The following PLXNA2 variants were observed in gnomAD, a reference collection of about 807,000 sequenced individuals.
The protein encoded by PLXNA2 is plexin-A2.
Under a neutral mutation model 193.5 loss-of-function variants are expected in PLXNA2, and 91 were observed. The observed-to-expected ratio is 0.47, with a 90% CI of 0.40 to 0.56. The LOEUF (loss-of-function observed/expected upper bound fraction) is 0.56, where lower values mean the gene tolerates loss of function less well. PLXNA2 is among the 20% of genes least tolerant of loss of function. The pLI is 0.00. For missense variants in PLXNA2, 1,995 were observed against 2,503.2 expected (o/e 0.80, Z 4.33); for synonymous variants, 997 against 1,027.3 (o/e 0.97, Z 0.56).
chr1:208,186,722 T>C (rs906360958), intron 3 of PLXNA2, among the ~76,000 whole-genome samples: 2 of 143,804 alleles, frequency 1.4e-5, no homozygotes, highest in Non-Finnish European at 3.0e-5. Flanking sequence ...TATTTTTTTT[T>C]TTTTTTTTGA....
intron 3 of PLXNA2, among the ~76,000 whole-genome samples, chr1:208,193,560 G>T (rs1401524519): frequency 6.6e-6 from 1 of 152,112 alleles, no homozygotes; most frequent in African/African-American, 2.4e-5. Flanking sequence ...ATTTATGAAA[G>T]CTCTTTATAT....
chr1:208,042,428 G>T lies in PLXNA2; in HGVS notation c.4018-62C>A, dbSNP rs79670301. ...GACAGGCATCGGGCCTCCTACCTGA[G>T]GGTCTCACTGAGGGCCTGCTGGCGA... On this transcript the variant is annotated intron_variant, in intron 21 of 31. Transcript: ENST00000367033. 11,169 of 1,563,228 alleles carry T rather than the reference G, an allele frequency of 7.1e-3. 280 individuals are homozygous for T. Among genetic ancestry groups the T allele is most frequent in the Admixed American group, 0.057 (3,248 of 57,206 alleles).
chr1:208,106,975 G>C (rs1010295843), intron 4 of PLXNA2, among the ~76,000 whole-genome samples: 2 of 152,206 alleles, frequency 1.3e-5, no homozygotes, highest in African/African-American at 4.8e-5. Context: ...GGCAAGGGAG[G>C]GATGGTGCAA....
At chr1:208,063,626 T>C (rs1229029755) in intron 12 of PLXNA2, among the ~76,000 whole-genome samples, 1 of 151,800 alleles carries the variant, frequency 6.6e-6, no homozygotes, top group African/African-American at 2.4e-5. Context: ...GTAGGGTCTT[T>C]ATGGGGGTCT....
At chr1:208,227,504 CCTT>C (rs1203245636) in intron 1 of PLXNA2, among the ~76,000 whole-genome samples, 7 of 152,198 alleles carry the variant, frequency 4.6e-5, no homozygotes, top group Admixed American at 2.0e-4. Flanking sequence ...TTCAGCCAAA[CCTT>C]CTTATCACTG....
chr1:208,048,108 C>T (rs1298587299), intron 17 of PLXNA2, among the ~76,000 whole-genome samples: 2 of 152,196 alleles, frequency 1.3e-5, no homozygotes, highest in African/African-American at 4.8e-5. Context: ...CCCAGTCTAG[C>T]TTCCCTAGAC....
At chr1:208,141,880 C>G (rs974373564) in intron 4 of PLXNA2, among the ~76,000 whole-genome samples, 6 of 152,256 alleles carry the variant, frequency 3.9e-5, no homozygotes, top group Non-Finnish European at 8.8e-5. Flanking sequence ...ATACTCTGCA[C>G]CAGTCTAAGA....
At chr1:208,197,452 A>G (rs773510288) in intron 3 of PLXNA2, among the ~76,000 whole-genome samples, 4 of 152,242 alleles carry the variant, frequency 2.6e-5, no homozygotes, top group Admixed American at 6.5e-5. Flanking sequence ...ATATGCTGCA[A>G]ATTTACCTGG....
At chr1:208,224,151 C>T (rs111933158) in intron 1 of PLXNA2, among the ~76,000 whole-genome samples, 131 of 152,220 alleles carry the variant, frequency 8.6e-4, no homozygotes, top group African/African-American at 2.8e-3. Flanking sequence ...AGAGGGCGAA[C>T]GCAAAAGCCC....
intron 13 of PLXNA2, among the ~76,000 whole-genome samples, chr1:208,057,118 T>C (rs1329689330): frequency 2.0e-5 from 3 of 152,230 alleles, no homozygotes; most frequent in Non-Finnish European, 4.4e-5. Context: ...AAGCAAATTC[T>C]AGCCCTTAAT....
At chr1:208,068,986 A>G (rs1665888628) in intron 12 of PLXNA2, among the ~76,000 whole-genome samples, 1 of 152,214 alleles carries the variant, frequency 6.6e-6, no homozygotes, top group Non-Finnish European at 1.5e-5. Flanking sequence ...CAGAAGGAAA[A>G]CAAGGGAAAC....
chr1:208,216,520 T>TGTGATGTG (rs1195295917), intron 2 of PLXNA2, among the ~76,000 whole-genome samples: 16 of 152,330 alleles, frequency 1.1e-4, no homozygotes, highest in African/African-American at 3.8e-4. Context: ...ACTCAATACA[T>TGTGATGTG]ATATTTGAAA....
At chr1:208,214,178 G>A (rs1443350874) in intron 2 of PLXNA2, among the ~76,000 whole-genome samples, 3 of 151,158 alleles carry the variant, frequency 2.0e-5, no homozygotes, top group Non-Finnish European at 4.4e-5. Context: ...TTTTACAACA[G>A]TAAGATAACT....
intron 9 of PLXNA2, among the ~76,000 whole-genome samples, chr1:208,090,481 G>A (rs1666671940): frequency 6.6e-6 from 1 of 152,184 alleles, no homozygotes. Flanking sequence ...AGAGGGAGCT[G>A]TATTTCAGTG....
chr1:208,042,042 G>A (rs1448528920), intron 22 of PLXNA2, 56 bp downstream of exon 22: 2 of 1,566,870 alleles, frequency 1.3e-6, no homozygotes, highest in Non-Finnish European at 1.7e-6. Context: ...ATAATGAGGT[G>A]CTCTGTCCAG....
chr1:208,133,598 G>A (rs138004558), intron 4 of PLXNA2, among the ~76,000 whole-genome samples: 66 of 152,332 alleles, frequency 4.3e-4, no homozygotes, highest in African/African-American at 1.5e-3. Flanking sequence ...GAATGAATGA[G>A]TCTGCATATG....
At chr1:208,109,563 T>G (rs147857469) in intron 4 of PLXNA2, among the ~76,000 whole-genome samples, 39 of 152,220 alleles carry the variant, frequency 2.6e-4, no homozygotes, top group African/African-American at 7.9e-4. Flanking sequence ...TCTGCACAAC[T>G]CCCCAGAGAG....
At chr1:208,200,363 G>A (rs562415382) in intron 3 of PLXNA2, among the ~76,000 whole-genome samples, 1 of 152,272 alleles carries the variant, frequency 6.6e-6, no homozygotes, top group East Asian at 1.9e-4. Context: ...GAAGGAAAGA[G>A]ACATTAAAGT....
intron 11 of PLXNA2, among the ~76,000 whole-genome samples, chr1:208,081,208 T>C (rs1404349552): frequency 6.6e-6 from 1 of 152,166 alleles, no homozygotes; most frequent in Non-Finnish European, 1.5e-5. Flanking sequence ...AAGTTTGGCC[T>C]GGGTATGAGG....
Sources: gnomAD v4.1 joint callset for allele counts (sites outside exome capture counted in the v4.1 genomes callset) on GRCh38, gnomAD v4.1.1 for gene constraint, MANE v1.5 for transcripts, NCBI Gene and HGNC (gene_info 2026-07-23, HGNC 2026-07-21) for gene names.